CSMD2: variants seen among roughly 807,000 people sequenced by gnomAD.
CSMD2 encodes CUB and Sushi multiple domains 2, also known as CUB and sushi domain-containing protein 2.
In CSMD2, 130 loss-of-function variants were observed where a neutral mutation model predicts 398.5. That is an observed-to-expected ratio of 0.33 (90% CI 0.28 to 0.38). CSMD2 has a LOEUF of 0.38. Ranked by LOEUF, CSMD2 falls within the 10% of genes least tolerant of loss-of-function variation. The pLI is 1.00. For synonymous variants in CSMD2, 1,828 were observed against 1,908.5 expected (o/e 0.96, Z 1.10); for missense variants, 3,829 against 4,764.9 (o/e 0.80, Z 5.78).
intron 28 of CSMD2, among the ~76,000 whole-genome samples, chr1:33,647,087 G>C (rs1643480956): frequency 1.3e-5 from 2 of 152,306 alleles, no homozygotes; most frequent in African/African-American, 2.4e-5. Flanking sequence ...AAAATCTGGA[G>C]CTGAAAACCT....
intron 19 of CSMD2, 39 bp downstream of exon 19, chr1:33,724,158 C>A (rs771471435): frequency 6.8e-7 from 1 of 1,468,080 alleles, no homozygotes; most frequent in African/African-American, 1.4e-5. Context: ...TCCCTGACCT[C>A]GTCACATCCC....
intron 2 of CSMD2, among the ~76,000 whole-genome samples, chr1:34,073,458 T>C (rs1411273014): frequency 2.0e-5 from 3 of 152,164 alleles, no homozygotes; most frequent in Non-Finnish European, 4.4e-5. Context: ...TGAATCCTTA[T>C]TTAAAAAGAA....
chr1:33,721,719 C>A (rs928644540), intron 19 of CSMD2, among the ~76,000 whole-genome samples: 1 of 152,214 alleles, frequency 6.6e-6, no homozygotes, highest in African/African-American at 2.4e-5. Flanking sequence ...CACCCTAGCC[C>A]TGGGTAGGGC....
At chr1:33,792,963 T>A (rs948593203) in intron 10 of CSMD2, among the ~76,000 whole-genome samples, 11 of 152,052 alleles carry the variant, frequency 7.2e-5, no homozygotes, top group African/African-American at 2.4e-4. Context: ...TTCTCCATCC[T>A]TTTTGTTTAT....
chr1:33,648,940 C>T (rs1472429847), intron 28 of CSMD2, among the ~76,000 whole-genome samples: 1 of 152,030 alleles, frequency 6.6e-6, no homozygotes, highest in Non-Finnish European at 1.5e-5. Flanking sequence ...TTACCAGGAC[C>T]CTCTGTTCTT....
At chr1:34,012,741 C>T (rs1349708539) in intron 3 of CSMD2, among the ~76,000 whole-genome samples, 1 of 152,180 alleles carries the variant, frequency 6.6e-6, no homozygotes, top group Non-Finnish European at 1.5e-5. Flanking sequence ...CCTAGAATTT[C>T]AAATTATGCC....
intron 5 of CSMD2, among the ~76,000 whole-genome samples, chr1:33,908,206 C>G (rs1643233730): frequency 6.6e-6 from 1 of 152,026 alleles, no homozygotes; most frequent in Admixed American, 6.6e-5. Flanking sequence ...AGGAGAGACG[C>G]AAACCAACGT....
chr1:33,672,185 G>A (rs1168893150), intron 25 of CSMD2, among the ~76,000 whole-genome samples: 1 of 152,224 alleles, frequency 6.6e-6, no homozygotes, highest in African/African-American at 2.4e-5. Context: ...GCCTCACCTG[G>A]GAAGCACAAG....
chr1:33,663,971 G>A (rs1209750341), intron 25 of CSMD2, among the ~76,000 whole-genome samples: 4 of 152,048 alleles, frequency 2.6e-5, no homozygotes, highest in Non-Finnish European at 2.9e-5. Context: ...AAGCAATGTT[G>A]GCATACTTAC....
At chr1:33,915,162 T>C (rs1643658964) in intron 5 of CSMD2, among the ~76,000 whole-genome samples, 1 of 152,216 alleles carries the variant, frequency 6.6e-6, no homozygotes, top group Non-Finnish European at 1.5e-5. Context: ...GGTGCCCAGT[T>C]GTCCAAATCC....
At chr1:33,684,292 T>A (rs1464249030) in intron 25 of CSMD2, among the ~76,000 whole-genome samples, 2 of 152,184 alleles carry the variant, frequency 1.3e-5, no homozygotes, top group African/African-American at 2.4e-5. Flanking sequence ...TGTGTGTTAA[T>A]CATTAAGAAG....
At position 33,525,032 on chromosome 1, in the gene CSMD2, C is replaced by T; in HGVS notation, c.10246G>A (p.Val3416Ile). ...PLTQALIPGD[V>I]FAKNSLWKGA... ...TTCCACAGGGAATTCTTGGCAAAAA[C>T]ATCCCCAGGAACTAGAGGAATTGAG... is the stretch of plus-strand genomic sequence containing the variant. The change falls in exon 66 of 71, where the codon GTT becomes ATT. Residue 3416 changes from valine (V) to isoleucine (I), a missense_variant. Coordinates refer to ENST00000373381, the MANE Select transcript of CSMD2 (RefSeq NM_001281956.2). 1.9e-6 allele frequency: 3 copies of T among 1,614,184 alleles called. No individual in the cohort carries two copies. Among genetic ancestry groups the T allele is most frequent in the Non-Finnish European group, 2.5e-6 (3 of 1,180,020 alleles).
At chr1:33,856,930 T>C (rs1202563794) in intron 5 of CSMD2, among the ~76,000 whole-genome samples, 1 of 151,666 alleles carries the variant, frequency 6.6e-6, no homozygotes, top group Non-Finnish European at 1.5e-5. Context: ...CAAAGTTCCC[T>C]CTAAGGCCTC....
chr1:33,756,201 A>C (rs114821822), intron 13 of CSMD2, among the ~76,000 whole-genome samples: 1,671 of 152,246 alleles, frequency 0.011, 34 homozygotes, highest in African/African-American at 0.038. Context: ...AGGGCACCTC[A>C]TCCTCACGTA....
rs1490183452 is a variant in CSMD2, at chr1:33,840,563, C to T, written c.1033+6321G>A. Among the ~76,000 whole-genome samples the T allele has an allele frequency of 3.3e-5, 5 of 152,232 alleles. No homozygotes were observed. The East Asian group carries it at 9.6e-4, about 29-fold the overall frequency. ...CTGTGATGACACTGAACCAGGCACACAGAAGTTTCCCAGTGACAGTTTGAT... is the reference window on the plus strand; with the variant it reads ...CTGTGATGACACTGAACCAGGCACATAGAAGTTTCCCAGTGACAGTTTGAT... On this transcript the variant is annotated intron_variant, in intron 6 of 70. Transcript: ENST00000373381.
chr1:33,706,013 A>G (rs1645765987), intron 22 of CSMD2, among the ~76,000 whole-genome samples: 1 of 148,870 alleles, frequency 6.7e-6, no homozygotes, highest in African/African-American at 2.5e-5. Flanking sequence ...TTCTGCCTTT[A>G]TCTTTAAAAG....
At chr1:33,881,796 A>T (rs554995662) in intron 5 of CSMD2, among the ~76,000 whole-genome samples, 1 of 152,358 alleles carries the variant, frequency 6.6e-6, no homozygotes, top group South Asian at 2.1e-4. Context: ...AAAATGCATT[A>T]GTACTGTGTA....
intron 7 of CSMD2, among the ~76,000 whole-genome samples, chr1:33,824,990 C>T (rs1658620869): frequency 6.6e-6 from 1 of 152,154 alleles, no homozygotes; most frequent in Non-Finnish European, 1.5e-5. Flanking sequence ...CCCAGCCCTT[C>T]CTGGGCTTCA....
chr1:33,626,423 C>T (rs961911491), intron 33 of CSMD2, 63 bp downstream of exon 33: 24 of 1,204,354 alleles, frequency 2.0e-5, no homozygotes, highest in African/African-American at 1.2e-4. Context: ...CCTGTCCCTT[C>T]GATCACGAGT....
Sources: allele counts gnomAD v4.1 joint callset (sites outside exome capture counted in the v4.1 genomes callset), GRCh38; gene constraint gnomAD v4.1.1; transcripts MANE v1.5; gene names NCBI Gene and HGNC (gene_info 2026-07-23, HGNC 2026-07-21).